GALNT13: variants seen among roughly 807,000 people sequenced by gnomAD.
GALNT13 encodes polypeptide N-acetylgalactosaminyltransferase 13.
In GALNT13, 28 loss-of-function variants were observed where a neutral mutation model predicts 64.2. That is an observed-to-expected ratio of 0.44 (90% CI 0.32 to 0.60). GALNT13 has a LOEUF of 0.60. Among genes scored for constraint, GALNT13 ranks in the 20% least tolerant of loss-of-function variants. GALNT13 has a pLI of 0.05. For missense variants in GALNT13, 577 were observed against 669.8 expected, an observed-to-expected ratio of 0.86 and a Z score of 1.53; for synonymous variants, 214 against 224.6, an observed-to-expected ratio of 0.95 and a Z score of 0.42.
At chr2:154,130,447 ATTAAAATACTT>A (rs1223145002) in intron 3 of GALNT13, among the ~76,000 whole-genome samples, 1 of 152,174 alleles carries the variant, frequency 6.6e-6, no homozygotes, top group Non-Finnish European at 1.5e-5. Context: ...AATTTTATAA[ATTAAAATACTT>A]TAGAGTATTT....
chr2:154,401,407 C>T (rs909762725), intron 10 of GALNT13, among the ~76,000 whole-genome samples: 20 of 152,016 alleles, frequency 1.3e-4, no homozygotes, highest in African/African-American at 3.6e-4. Flanking sequence ...TACGTAAATG[C>T]GGACATTTTT....
intron 9 of GALNT13, among the ~76,000 whole-genome samples, chr2:154,326,959 C>G (rs1574092383): frequency 6.6e-6 from 1 of 152,042 alleles, no homozygotes; most frequent in East Asian, 1.9e-4. Flanking sequence ...TTGATACTTT[C>G]TGCTGGATTA....
At chr2:153,695,682 G>A in the GALNT13 span, among the ~76,000 whole-genome samples, 2 of 151,968 alleles carry the variant, frequency 1.3e-5, no homozygotes, top group African/African-American at 2.4e-5. Context: ...TAAAGTTATT[G>A]TTGATTTAAT....
chr2:154,293,305 G>A (rs749779061), intron 8 of GALNT13, among the ~76,000 whole-genome samples: 3 of 152,112 alleles, frequency 2.0e-5, no homozygotes, highest in African/African-American at 4.8e-5. Flanking sequence ...CTAATTAGAA[G>A]CTAATAGACT....
At chr2:154,364,123 T>G (rs1697230064) in intron 9 of GALNT13, among the ~76,000 whole-genome samples, 1 of 152,220 alleles carries the variant, frequency 6.6e-6, no homozygotes, top group African/African-American at 2.4e-5. Context: ...TTACAGAATT[T>G]AAATGAAATC....
the GALNT13 span, among the ~76,000 whole-genome samples, chr2:153,737,295 G>A: frequency 1.3e-5 from 2 of 151,578 alleles, no homozygotes; most frequent in Non-Finnish European, 2.9e-5. Context: ...CGATTTTGAG[G>A]GTTTTTTACT....
chr2:153,476,058 C>A, the GALNT13 span, among the ~76,000 whole-genome samples: 2 of 152,272 alleles, frequency 1.3e-5, no homozygotes, highest in Admixed American at 6.5e-5. Flanking sequence ...AAACAACAAA[C>A]AAGCAAACAA....
the GALNT13 span, chr2:153,478,100 T>C: frequency 2.8e-6 from 2 of 713,110 alleles, no homozygotes; most frequent in Admixed American, 5.8e-5. Flanking sequence ...CGGTCGCTTC[T>C]TTCCGAAAGG....
chr2:154,303,277 G>C (rs1693548571), intron 9 of GALNT13, among the ~76,000 whole-genome samples: 1 of 152,020 alleles, frequency 6.6e-6, no homozygotes, highest in South Asian at 2.1e-4. Context: ...AGGCAGGCTT[G>C]AGGGGGCTGA....
At chr2:153,723,080 C>T in the GALNT13 span, among the ~76,000 whole-genome samples, 2 of 149,616 alleles carry the variant, frequency 1.3e-5, no homozygotes, top group African/African-American at 4.9e-5. Context: ...CCGAATCCAG[C>T]AGCACATCAA....
chr2:153,373,434 C>T, the GALNT13 span, among the ~76,000 whole-genome samples: 48 of 152,232 alleles, frequency 3.2e-4, 1 homozygote, highest in Middle Eastern at 6.8e-3. Context: ...AATATAATTC[C>T]TGTGCCTCGC....
the GALNT13 span, among the ~76,000 whole-genome samples, chr2:153,244,964 A>T: frequency 1.9e-4 from 29 of 152,326 alleles, no homozygotes; most frequent in East Asian, 4.6e-3. Flanking sequence ...ACCATTACTG[A>T]GGCTTTAGTA....
chr2:153,441,582 A>T, the GALNT13 span, among the ~76,000 whole-genome samples: 1 of 152,224 alleles, frequency 6.6e-6, no homozygotes, highest in Admixed American at 6.5e-5. Context: ...ATTCATGAGC[A>T]TGGAATATTT....
chr2:153,132,680 T>C, the GALNT13 span, among the ~76,000 whole-genome samples: 1 of 152,144 alleles, frequency 6.6e-6, no homozygotes, highest in Non-Finnish European at 1.5e-5. Context: ...GGTGAAGACA[T>C]TTCTCACAAT....
chr2:153,831,807 A>G, the GALNT13 span, among the ~76,000 whole-genome samples: 15 of 152,256 alleles, frequency 9.9e-5, no homozygotes, highest in African/African-American at 3.6e-4. Flanking sequence ...TCTCGCTAAT[A>G]ACTGGAAGCA....
At chr2:153,992,201 G>T (rs1210124848) in intron 3 of GALNT13, among the ~76,000 whole-genome samples, 2 of 152,080 alleles carry the variant, frequency 1.3e-5, no homozygotes, top group Non-Finnish European at 2.9e-5. Context: ...CCACTATGTT[G>T]ATTTAAATAT....
chr2:153,243,018 GT>G, the GALNT13 span, among the ~76,000 whole-genome samples: 1 of 152,196 alleles, frequency 6.6e-6, no homozygotes, highest in Admixed American at 6.5e-5. Flanking sequence ...TAATAACTAG[GT>G]AGAAAATATA....
At chr2:154,105,597 C>T (rs1011313392) in intron 3 of GALNT13, among the ~76,000 whole-genome samples, 2 of 152,030 alleles carry the variant, frequency 1.3e-5, no homozygotes, top group Non-Finnish European at 2.9e-5. Flanking sequence ...GATAAAATTG[C>T]CTAATGACAC....
chr2:153,550,743 T>A, the GALNT13 span, among the ~76,000 whole-genome samples: 1 of 152,312 alleles, frequency 6.6e-6, no homozygotes, highest in South Asian at 2.1e-4. Flanking sequence ...ATAGTGACAA[T>A]TAGCATTGTA....
Sources: allele counts gnomAD v4.1 joint callset (sites outside exome capture counted in the v4.1 genomes callset), GRCh38; gene constraint gnomAD v4.1.1; transcripts MANE v1.5; gene names NCBI Gene and HGNC (gene_info 2026-07-23, HGNC 2026-07-21).